The following ANKIB1 variants were observed in gnomAD, a reference collection of about 807,000 sequenced individuals.
The protein encoded by ANKIB1 is ankyrin repeat and IBR domain containing 1.
ANKIB1 carries 43 observed loss-of-function variants against 122.1 expected under a neutral mutation model. That is an observed-to-expected ratio of 0.35 (90% CI 0.28 to 0.45). The LOEUF is 0.45. Among genes scored for constraint, ANKIB1 ranks in the 20% least tolerant of loss-of-function variants. The pLI is 1.00. For synonymous variants in ANKIB1, 390 were observed against 442.0 expected, an observed-to-expected ratio of 0.88 and a Z score of 1.48; for missense variants, 992 against 1,329.5, an observed-to-expected ratio of 0.75 and a Z score of 3.95.
intron 3 of ANKIB1, among the ~76,000 whole-genome samples, chr7:92,318,656 A>G (rs1451342441): frequency 6.6e-6 from 1 of 152,196 alleles, no homozygotes; most frequent in Non-Finnish European, 1.5e-5. Flanking sequence ...AACATACTTA[A>G]TTTCTGCAAA....
intron 5 of ANKIB1, among the ~76,000 whole-genome samples, chr7:92,339,809 C>CT (rs1279365395): frequency 6.6e-6 from 1 of 150,830 alleles, no homozygotes; most frequent in Admixed American, 6.6e-5. Context: ...AGATTTTTGT[C>CT]TTTTTTTCTT....
intron 12 of ANKIB1, 90 bp downstream of exon 12, chr7:92,386,733 A>G (rs1234867345): frequency 8.1e-7 from 1 of 1,232,570 alleles, no homozygotes; most frequent in Admixed American, 3.8e-5. Context: ...TTTCATCTTA[A>G]TAAAGTATTA....
intron 16 of ANKIB1, among the ~76,000 whole-genome samples, chr7:92,391,773 T>C (rs1304539687): frequency 1.3e-5 from 2 of 152,118 alleles, no homozygotes; most frequent in African/African-American, 4.8e-5. Context: ...AAATTTGATA[T>C]TTGTAGTTAT....
chr7:92,399,135 C>G lies in ANKIB1; in HGVS notation c.*186C>G. Reference sequence around the variant, plus strand: ...TTATTTTAACCTTACAGGGAATTTCCTTTGTACTTAATTGAATAGCTTTTC... The same window carrying G: ...TTATTTTAACCTTACAGGGAATTTCGTTTGTACTTAATTGAATAGCTTTTC... On this transcript the variant is annotated 3_prime_UTR_variant, in exon 20 of 20. Coordinates refer to ENST00000265742, the MANE Select transcript of ANKIB1 (RefSeq NM_019004.2). The G allele has an allele frequency of 1.8e-6, 1 of 552,176 alleles. No homozygotes were observed. Among genetic ancestry groups the G allele is most frequent in the South Asian group, 6.5e-5 (1 of 15,354 alleles). The allele number at this position is 552,176 out of a possible 1,614,324, so 34.2% of individuals were successfully genotyped here.
rs1800949767 is a variant in ANKIB1, at chr7:92,246,064, G to C, written c.-546G>C. On this transcript the variant is annotated 5_prime_UTR_variant, in exon 1 of 20. Coordinates refer to ENST00000265742, the MANE Select transcript of ANKIB1 (RefSeq NM_019004.2). The stretch of plus-strand genomic sequence containing the variant: ...GGTGGCAGGCGACTAGGAGACTAGG[G>C]TGGTGGCGGTGGGGGTGCCAGCGGC... 1 of 282,486 alleles carries C rather than the reference G, an allele frequency of 3.5e-6. No individual in the cohort carries two copies. Among genetic ancestry groups the C allele is most frequent in the Admixed American group, 6.1e-5 (1 of 16,396 alleles). 17.5% of individuals were successfully genotyped at this position (282,486 alleles called of 1,614,324 possible).
At chr7:92,263,829 T>C (rs1801612171) in intron 1 of ANKIB1, among the ~76,000 whole-genome samples, 1 of 152,190 alleles carries the variant, frequency 6.6e-6, no homozygotes, top group South Asian at 2.1e-4. Flanking sequence ...CTTCCCAGAA[T>C]ATCCAGGACA....
chr7:92,255,773 G>A (rs1005947355), intron 1 of ANKIB1, among the ~76,000 whole-genome samples: 2 of 152,036 alleles, frequency 1.3e-5, no homozygotes, highest in Admixed American at 6.6e-5. Flanking sequence ...GGGCTGTCAT[G>A]TTTTAAAGTT....
At chr7:92,256,136 A>C (rs1467577181) in intron 1 of ANKIB1, among the ~76,000 whole-genome samples, 1 of 152,178 alleles carries the variant, frequency 6.6e-6, no homozygotes, top group Non-Finnish European at 1.5e-5. Context: ...GAGTAGTAGG[A>C]GTTACCGTTT....
At position 92,351,134 on chromosome 7, in the gene ANKIB1, T is replaced by C. The variant is rs1308911519; in HGVS notation, c.1230+40T>C. ...CAATTATCTGTCCAATTTCCATAAT[T>C]TTGATTTTATTAAACCTTTATAACA... On this transcript the variant is annotated intron_variant, in intron 8 of 19. Transcript: ENST00000265742. The C allele has an allele frequency of 2.9e-6, 4 of 1,402,746 alleles. No individual in the cohort carries two copies. The East Asian group carries it at 8.0e-5, about 28-fold the overall frequency. 86.9% of individuals were successfully genotyped at this position (1,402,746 alleles called of 1,614,324 possible). A position where few individuals can be genotyped will look rare whatever the true frequency, so the allele number is the denominator to read the frequency against.
At chr7:92,397,015 A>G (rs900949892) in intron 18 of ANKIB1, among the ~76,000 whole-genome samples, 19 of 152,348 alleles carry the variant, frequency 1.2e-4, no homozygotes, top group African/African-American at 4.6e-4. Context: ...TCTTCTGACT[A>G]TAATGTCAGG....
At chr7:92,307,240 TA>T in intron 2 of ANKIB1, 118 bp from the exon 3 acceptor site, 1 of 1,010,274 alleles carries the variant, frequency 9.9e-7, no homozygotes, top group Non-Finnish European at 1.4e-6. Context: ...ACCCTCAGTA[TA>T]AATTGGATTA....
chr7:92,351,217 C>T, intron 8 of ANKIB1, 123 bp downstream of exon 8: 1 of 832,600 alleles, frequency 1.2e-6, no homozygotes, highest in Admixed American at 3.8e-5. Context: ...TTGTTAGAAA[C>T]ACTTTATCAG....
At chr7:92,252,720 T>G (rs953766877) in intron 1 of ANKIB1, among the ~76,000 whole-genome samples, 3 of 152,174 alleles carry the variant, frequency 2.0e-5, no homozygotes, top group African/African-American at 7.2e-5. Context: ...AATGGTAACC[T>G]CTTCAAGCTG....
In ANKIB1 at chr7:92,366,151, A is replaced by G. The variant is rs576728317; in HGVS notation, c.1486+3878A>G. Among the ~76,000 whole-genome samples the G allele has an allele frequency of 5.9e-5, 9 of 152,282 alleles. No individual in the cohort carries two copies. The East Asian group carries it at 1.7e-3, about 29-fold the overall frequency. ...ATACACCATAAGAAGTAATTAGTCT[A>G]GCATATTATTCAATTCTTGAGTTGA... is the stretch of plus-strand genomic sequence containing the variant. On this transcript the variant is annotated intron_variant, in intron 10 of 19. Transcript: ENST00000265742.
intron 15 of ANKIB1, among the ~76,000 whole-genome samples, 154 bp from the exon 16 acceptor site, chr7:92,391,012 T>C (rs548279445): frequency 2.3e-3 from 357 of 152,270 alleles, no homozygotes; most frequent in Admixed American, 4.2e-3. Flanking sequence ...ATGTACAAAA[T>C]AGAAAATATA....
intron 10 of ANKIB1, 111 bp downstream of exon 10, chr7:92,362,384 C>G (rs923349106): frequency 2.1e-6 from 2 of 930,658 alleles, no homozygotes; most frequent in Non-Finnish European, 3.3e-6. Context: ...TTTGTTAATG[C>G]AAGTGCTCTC....
In ANKIB1 at chr7:92,352,481, T is replaced by C; in HGVS notation, c.1236T>C (p.Phe412=). The C allele has an allele frequency of 1.2e-6, 2 of 1,613,116 alleles. No homozygotes were observed. The highest frequency in any genetic ancestry group is 1.7e-6 in the Non-Finnish European group (2 of 1,179,664). Residue 412 remains phenylalanine, a synonymous_variant, in exon 9 of 20, where the codon TTT becomes TTC. Coordinates refer to ENST00000265742, the MANE Select transcript of ANKIB1 (RefSeq NM_019004.2). ...KRYLQFDIKA[F]VENNPAIKWC... ...TGTTATTGCTGTTTAAACAGGCCTTTGTTGAAAATAATCCTGCCATTAAAT... is the reference window on the plus strand; with the variant it reads ...TGTTATTGCTGTTTAAACAGGCCTTCGTTGAAAATAATCCTGCCATTAAAT...
intron 1 of ANKIB1, among the ~76,000 whole-genome samples, chr7:92,271,450 C>A (rs1181966158): frequency 6.6e-6 from 1 of 152,090 alleles, no homozygotes; most frequent in Non-Finnish European, 1.5e-5. Flanking sequence ...AGTTCCTTTG[C>A]CTTTCCATAC....
intron 1 of ANKIB1, 87 bp downstream of exon 1, chr7:92,246,606 C>G: frequency 2.1e-6 from 1 of 472,356 alleles, no homozygotes; most frequent in Non-Finnish European, 4.2e-6. Context: ...ACTTCACACC[C>G]TCCCGGATCT....
Sources: gnomAD v4.1 joint callset for allele counts (sites outside exome capture counted in the v4.1 genomes callset) on GRCh38, gnomAD v4.1.1 for gene constraint, MANE v1.5 for transcripts, NCBI Gene and HGNC (gene_info 2026-07-23, HGNC 2026-07-21) for gene names.